The following RMRP variants were observed in gnomAD, a reference collection of about 807,000 sequenced individuals.
RMRP encodes the protein RNA component of mitochondrial RNA processing endoribonuclease, also known as RNase MRP RNA.
rs550203343 is a variant in RMRP at position 35,657,856 on chromosome 9, G to A, written n.162C>T. ...ACGCCCCCGCGCCACGCCGCTCAGCGGGATACGCTTCTTGGCGGACTTTGG... is the reference window on the plus strand; with the variant it reads ...ACGCCCCCGCGCCACGCCGCTCAGCAGGATACGCTTCTTGGCGGACTTTGG... On this transcript the variant is annotated non_coding_transcript_exon_variant, in exon 1 of 1. Transcript: ENST00000363046. 3.3e-4 allele frequency: 234 copies of A among 700,454 alleles called. No homozygotes were observed. The East Asian group carries it at 5.3e-3, about 16-fold the overall frequency. 43.4% of individuals were successfully genotyped at this position (700,454 alleles called of 1,614,324 possible).
chr9:35,657,775 G>C lies in RMRP; in HGVS notation n.243C>G, dbSNP rs1260135124. On this transcript the variant is annotated non_coding_transcript_exon_variant, in exon 1 of 1. Transcript: ENST00000363046. Reference sequence around the variant, plus strand: ...AACAGCCGCGCTGAGAATGAGCCCCGTGTGGTTGGTGCGCGGACACGCACT... The same window carrying C: ...AACAGCCGCGCTGAGAATGAGCCCCCTGTGGTTGGTGCGCGGACACGCACT... 11 of 696,496 alleles carry C rather than the reference G, an allele frequency of 1.6e-5. No individual in the cohort carries two copies. Among genetic ancestry groups the C allele is most frequent in the Admixed American group, 4.0e-5 (2 of 49,904 alleles). 43.1% of individuals were successfully genotyped at this position (696,496 alleles called of 1,614,324 possible). A position where few individuals can be genotyped will look rare whatever the true frequency, so the allele number is the denominator to read the frequency against.
At chr9:35,657,910 T>TA (rs1563907185) in exon 1 of RMRP, 3 of 699,614 alleles carry the variant, frequency 4.3e-6, no homozygotes, top group East Asian at 5.4e-5. Context: ...TCTACGTGCG[T>TA]ATGCACGTGG....
rs534955648 is a variant in RMRP, at chr9:35,657,868, T to G, written n.150A>C. On this transcript the variant is annotated non_coding_transcript_exon_variant, in exon 1 of 1. Coordinates refer to ENST00000363046, the Ensembl canonical transcript of RMRP. ...CACGCCGCTCAGCGGGATACGCTTC[T>G]TGGCGGACTTTGGAGTGGGAAGCGG... The G allele has an allele frequency of 7.2e-6, 5 of 693,334 alleles. No individual in the cohort carries two copies. In the African/African-American group the frequency reaches 9.8e-5, roughly 14 times the overall value. The allele number at this position is 693,334 out of a possible 1,614,324, so 42.9% of individuals were successfully genotyped here. A position where few individuals can be genotyped will look rare whatever the true frequency, so the allele number is the denominator to read the frequency against.
Position 35,657,873 on chromosome 9 carries a change from G to T in RMRP, n.145C>A, listed in dbSNP as rs757576534. The T allele has an allele frequency of 7.2e-6, 5 of 693,908 alleles. No individual in the cohort carries two copies. Among genetic ancestry groups the T allele is most frequent in the Admixed American group, 2.0e-5 (1 of 49,604 alleles). 43.0% of individuals were successfully genotyped at this position (693,908 alleles called of 1,614,324 possible). A position where few individuals can be genotyped will look rare whatever the true frequency, so the allele number is the denominator to read the frequency against. ...CGCTCAGCGGGATACGCTTCTTGGCGGACTTTGGAGTGGGAAGCGGGGAAT... is the reference window on the plus strand; with the variant it reads ...CGCTCAGCGGGATACGCTTCTTGGCTGACTTTGGAGTGGGAAGCGGGGAAT... On this transcript the variant is annotated non_coding_transcript_exon_variant, in exon 1 of 1. Transcript: ENST00000363046.
At position 35,657,892 on chromosome 9, in the gene RMRP, G is replaced by A. The variant is rs1049483652; in HGVS notation, n.126C>T. 11 of 696,718 alleles carry A rather than the reference G, an allele frequency of 1.6e-5. No homozygotes were observed. Among genetic ancestry groups the A allele is most frequent in the Non-Finnish European group, 2.3e-5 (9 of 384,728 alleles). The allele number at this position is 696,718 out of a possible 1,614,324, so 43.2% of individuals were successfully genotyped here. On this transcript the variant is annotated non_coding_transcript_exon_variant, in exon 1 of 1. Transcript: ENST00000363046. ...CTTGGCGGACTTTGGAGTGGGAAGC[G>A]GGGAATGTCTACGTGCGTATGCACG...
rs886041234 is a variant in RMRP, at chr9:35,657,804, T to A, written n.214A>T. The A allele has an allele frequency of 2.7e-5, 19 of 692,142 alleles. No homozygotes were observed. The highest frequency in any genetic ancestry group is 4.9e-5 in the Non-Finnish European group (19 of 384,520). 42.9% of individuals were successfully genotyped at this position (692,142 alleles called of 1,614,324 possible). On this transcript the variant is annotated non_coding_transcript_exon_variant, in exon 1 of 1. Transcript: ENST00000363046. Reference sequence around the variant, plus strand: ...GGTTGGTGCGCGGACACGCACTGCCTGCGTAACTAGAGGGAGCTGACGGAT... The same window carrying A: ...GGTTGGTGCGCGGACACGCACTGCCAGCGTAACTAGAGGGAGCTGACGGAT...
rs1563907365 is a variant in RMRP at position 35,657,947 on chromosome 9, T to TA, written n.70_71insT. Reference sequence around the variant, plus strand: ...ACTCTCTGCCCGAGGTCCGGGGACTTTCCCCTAGGCGGAAAGGGGAGGAAC... The same window carrying TA: ...ACTCTCTGCCCGAGGTCCGGGGACTTATCCCCTAGGCGGAAAGGGGAGGAAC... On this transcript the variant is annotated non_coding_transcript_exon_variant, in exon 1 of 1. Coordinates refer to ENST00000363046, the Ensembl canonical transcript of RMRP. The TA allele has an allele frequency of 1.4e-5, 10 of 700,434 alleles. No homozygotes were observed. The highest frequency in any genetic ancestry group is 3.5e-5 in the African/African-American group (2 of 57,324). The allele number at this position is 700,434 out of a possible 1,614,324, so 43.4% of individuals were successfully genotyped here.
At position 35,657,788 on chromosome 9, in the gene RMRP, G is replaced by A. The variant is rs762145032; in HGVS notation, n.230C>T. On this transcript the variant is annotated non_coding_transcript_exon_variant, in exon 1 of 1. Transcript: ENST00000363046. Reference sequence around the variant, plus strand: ...AGAATGAGCCCCGTGTGGTTGGTGCGCGGACACGCACTGCCTGCGTAACTA... The same window carrying A: ...AGAATGAGCCCCGTGTGGTTGGTGCACGGACACGCACTGCCTGCGTAACTA... The A allele has an allele frequency of 1.9e-5, 13 of 697,820 alleles. No homozygotes were observed. The highest frequency in any genetic ancestry group is 3.0e-5 in the South Asian group (2 of 67,480). The allele number at this position is 697,820 out of a possible 1,614,324, so 43.2% of individuals were successfully genotyped here.
At chr9:35,657,787 C>G (rs774897161) in exon 1 of RMRP, 1 of 697,678 alleles carries the variant, frequency 1.4e-6, no homozygotes. Context: ...GTGGTTGGTG[C>G]GCGGACACGC....
rs545284014 is a variant in RMRP, at chr9:35,657,933, G to A, written n.85C>T. Reference sequence around the variant, plus strand: ...CGTATGCACGTGGCACTCTCTGCCCGAGGTCCGGGGACTTTCCCCTAGGCG... The same window carrying A: ...CGTATGCACGTGGCACTCTCTGCCCAAGGTCCGGGGACTTTCCCCTAGGCG... On this transcript the variant is annotated non_coding_transcript_exon_variant, in exon 1 of 1. Coordinates refer to ENST00000363046, the Ensembl canonical transcript of RMRP. The A allele has an allele frequency of 8.6e-6, 6 of 700,456 alleles. No homozygotes were observed. The highest frequency in any genetic ancestry group is 4.4e-5 in the South Asian group (3 of 67,510). 43.4% of individuals were successfully genotyped at this position (700,456 alleles called of 1,614,324 possible).
rs905844277 is a variant in RMRP, at chr9:35,658,017, C to A, written n.1G>T. 4 of 690,272 alleles carry A rather than the reference C, an allele frequency of 5.8e-6. No homozygotes were observed. The highest frequency in any genetic ancestry group is 2.7e-6 in the Non-Finnish European group (1 of 376,922). The allele number at this position is 690,272 out of a possible 1,614,324, so 42.8% of individuals were successfully genotyped here. ...CTAGGATACAGGCCTTCAGCACGAA[C>A]CACGTCCTCAGCTTCACAGAGTAGT... On this transcript the variant is annotated non_coding_transcript_exon_variant, in exon 1 of 1. Coordinates refer to ENST00000363046, the Ensembl canonical transcript of RMRP.
rs1262019879 is a variant in RMRP, at chr9:35,657,897, A to G, written n.121T>C. 5 of 697,426 alleles carry G rather than the reference A, an allele frequency of 7.2e-6. No individual in the cohort carries two copies. In the East Asian group the frequency reaches 8.0e-5, roughly 11 times the overall value. 43.2% of individuals were successfully genotyped at this position (697,426 alleles called of 1,614,324 possible). ...CGGACTTTGGAGTGGGAAGCGGGGA[A>G]TGTCTACGTGCGTATGCACGTGGCA... On this transcript the variant is annotated non_coding_transcript_exon_variant, in exon 1 of 1. Transcript: ENST00000363046.
chr9:35,657,765 A>T, exon 1 of RMRP: 1 of 692,630 alleles, frequency 1.4e-6, no homozygotes. Context: ...CCGCGCTGAG[A>T]ATGAGCCCCG....
chr9:35,657,801 GC>G (rs1587917853), exon 1 of RMRP: 2 of 700,004 alleles, frequency 2.9e-6, no homozygotes, highest in African/African-American at 3.5e-5. Flanking sequence ...GACACGCACT[GC>G]CTGCGTAACT....
rs1554651290 is a variant in RMRP, at chr9:35,657,971, A to AC, written n.46dup. 4.3e-6 allele frequency: 3 copies of AC among 700,470 alleles called. No individual in the cohort carries two copies. In the South Asian group the frequency reaches 4.4e-5, roughly 10 times the overall value. 43.4% of individuals were successfully genotyped at this position (700,470 alleles called of 1,614,324 possible). ...TTTCCCCTAGGCGGAAAGGGGAGGA[A>AC]CAGAGTCCTCAGTGTGTAGCCTAGG... On this transcript the variant is annotated non_coding_transcript_exon_variant, in exon 1 of 1. Transcript: ENST00000363046.
Position 35,657,918 on chromosome 9 carries a change from T to C in RMRP, n.100A>G, listed in dbSNP as rs983337094. On this transcript the variant is annotated non_coding_transcript_exon_variant, in exon 1 of 1. Transcript: ENST00000363046. The stretch of plus-strand genomic sequence containing the variant: ...GGGAATGTCTACGTGCGTATGCACG[T>C]GGCACTCTCTGCCCGAGGTCCGGGG... The C allele has an allele frequency of 1.1e-5, 8 of 700,122 alleles. No individual in the cohort carries two copies. In the Admixed American group the frequency reaches 1.4e-4, roughly 12 times the overall value. 43.4% of individuals were successfully genotyped at this position (700,122 alleles called of 1,614,324 possible).
chr9:35,657,960 A>G lies in RMRP; in HGVS notation n.58T>C, dbSNP rs1040824418. On this transcript the variant is annotated non_coding_transcript_exon_variant, in exon 1 of 1. Transcript: ENST00000363046. ...GGTCCGGGGACTTTCCCCTAGGCGG[A>G]AAGGGGAGGAACAGAGTCCTCAGTG... is the stretch of plus-strand genomic sequence containing the variant. The G allele has an allele frequency of 1.3e-5, 9 of 700,316 alleles. No individual in the cohort carries two copies. The highest frequency in any genetic ancestry group is 2.7e-5 in the East Asian group (1 of 37,298). 43.4% of individuals were successfully genotyped at this position (700,316 alleles called of 1,614,324 possible).
At chr9:35,657,887 G>A (rs898143345) in exon 1 of RMRP, 1 of 700,488 alleles carries the variant, frequency 1.4e-6, no homozygotes, top group South Asian at 1.5e-5. Context: ...TTTGGAGTGG[G>A]AAGCGGGGAA....
At chr9:35,657,752 CAGCCGCGCTG>C (rs1383432106) in exon 1 of RMRP, 49 of 683,800 alleles carry the variant, frequency 7.2e-5, no homozygotes, top group Admixed American at 8.7e-4. Context: ...GAACAAAAAA[CAGCCGCGCTG>C]AGAATGAGCC....
Sources: allele counts gnomAD v4.1 joint callset, GRCh38; gene constraint gnomAD v4.1.1; transcripts MANE v1.5; gene names NCBI Gene and HGNC (gene_info 2026-07-23, HGNC 2026-07-21).